The following ABCA10 variants were observed in gnomAD, a reference collection of about 807,000 sequenced individuals.
ABCA10 encodes ATP-binding cassette sub-family A member 10.
Under a neutral mutation model 187.5 loss-of-function variants are expected in ABCA10, and 169 were observed. That is an observed-to-expected ratio of 0.90 (90% CI 0.80 to 1.02). The LOEUF (loss-of-function observed/expected upper bound fraction) is 1.02, where lower values mean the gene tolerates loss of function less well. ABCA10 is among the 50% of genes least tolerant of loss of function. The probability of loss-of-function intolerance (pLI) is 0.00; values close to 1 mark genes in which losing one functional copy is unlikely to be tolerated. For missense variants in ABCA10, 1,727 were observed against 1,812.4 expected (o/e 0.95, Z 0.86); for synonymous variants, 574 against 601.8 (o/e 0.95, Z 0.68).
intron 9 of ABCA10, among the ~76,000 whole-genome samples, chr17:69,211,356 T>TAC (rs2074656772): frequency 3.8e-5 from 1 of 26,118 alleles, no homozygotes; most frequent in African/African-American, 1.4e-4. Flanking sequence ...TATATATATA[T>TAC]ATATACACAC....
At chr17:69,164,930 C>A in intron 26 of ABCA10, 34 bp downstream of exon 26, 4 of 1,604,002 alleles carry the variant, frequency 2.5e-6, no homozygotes, top group South Asian at 2.2e-5. Flanking sequence ...GCTACAAGGT[C>A]AAGACTGGAG....
chr17:69,158,520 G>A (rs1885710712), intron 27 of ABCA10, among the ~76,000 whole-genome samples: 1 of 151,168 alleles, frequency 6.6e-6, no homozygotes, highest in Non-Finnish European at 1.5e-5. Flanking sequence ...TACACAAAAG[G>A]GAAATAAAGT....
At position 69,187,795 on chromosome 17, in the gene ABCA10, A is replaced by G. The variant is rs1161461364; in HGVS notation, c.2216T>C (p.Leu739Pro). The G allele has an allele frequency of 1.4e-5, 22 of 1,613,812 alleles. No individual in the cohort carries two copies. The highest frequency in any genetic ancestry group is 1.9e-5 in the Non-Finnish European group (22 of 1,179,808). Residue 739 changes from leucine (L) to proline (P), a missense_variant, in exon 19 of 39, where the codon CTT (leucine) becomes CCT (proline). Leu to Pro is a moderately conservative substitution (Grantham distance 98, BLOSUM62 -3). Transcript: ENST00000690296. Reference protein sequence around the residue: ...ESEMEQVLCSLPETRKAVSSA... With the variant: ...ESEMEQVLCSPPETRKAVSSA... ...ACTGACAGCCTTTCTTGTTTCAGGA[A>G]GAGAACAAAGAACCTGTTCCATTTC...
At chr17:69,186,314 CCTT>C (rs1449414691) in intron 19 of ABCA10, among the ~76,000 whole-genome samples, 1 of 152,140 alleles carries the variant, frequency 6.6e-6, no homozygotes, top group Non-Finnish European at 1.5e-5. Context: ...GACAGAAACT[CCTT>C]CATCTTATCG....
chr17:69,182,942 T>C (rs113885784), intron 20 of ABCA10, 134 bp from the exon 21 acceptor site: 3 of 1,123,940 alleles, frequency 2.7e-6, no homozygotes, highest in Non-Finnish European at 3.7e-6. Context: ...CCTTGCTCTT[T>C]AGGAGTACAA....
intron 30 of ABCA10, 97 bp from the exon 31 acceptor site, chr17:69,154,423 T>A: frequency 2.1e-6 from 1 of 475,574 alleles, no homozygotes; most frequent in Non-Finnish European, 3.3e-6. Context: ...AAAATGACTT[T>A]TTTTTTTTTT....
In ABCA10 at chr17:69,164,945, A is replaced by C. The variant is rs759535419; in HGVS notation, c.3282+19T>G. 6.2e-7 allele frequency: 1 copy of C among 1,611,116 alleles called. No individual in the cohort carries two copies. On this transcript the variant is annotated intron_variant, in intron 26 of 38. Coordinates refer to ENST00000690296, the MANE Select transcript of ABCA10 (RefSeq NM_001377321.1). ...GCTACAAGGTCAAGACTGGAGACAC[A>C]GTAGGTAACACTGCTTACCTGGATC...
At chr17:69,151,582 A>G (rs1435491914) in intron 36 of ABCA10, among the ~76,000 whole-genome samples, 1 of 152,240 alleles carries the variant, frequency 6.6e-6, no homozygotes, top group Non-Finnish European at 1.5e-5. Flanking sequence ...CAACTTTAAA[A>G]GAAACATTGG....
intron 36 of ABCA10, 46 bp from the exon 37 acceptor site, chr17:69,150,109 A>C: frequency 1.4e-6 from 2 of 1,417,852 alleles, no homozygotes; most frequent in Non-Finnish European, 2.0e-6. Context: ...TCAGTGTGAT[A>C]ATACGGGGGA....
At chr17:69,195,554 C>CTTTTTTTTTTTTTTTTTTT (rs59069489) in intron 11 of ABCA10, among the ~76,000 whole-genome samples, 33 of 102,944 alleles carry the variant, frequency 3.2e-4, no homozygotes, top group Non-Finnish European at 3.6e-4. Context: ...TGAAGTTTTT[C>CTTTTTTTTTTTTTTTTTTT]TTTTTTTTTT....
In ABCA10 at chr17:69,196,331, CAG is replaced by C. The variant is rs534602912; in HGVS notation, c.1234+731_1234+732del. 276 of 170,198 alleles carry C rather than the reference CAG, an allele frequency of 1.6e-3. 2 individuals carry two copies. Among genetic ancestry groups the C allele is most frequent in the African/African-American group, 6.5e-3 (261 of 40,222 alleles). The allele number at this position is 170,198 out of a possible 1,614,324, so 10.5% of individuals were successfully genotyped here. On this transcript the variant is annotated intron_variant, in intron 11 of 38. Coordinates refer to ENST00000690296, the MANE Select transcript of ABCA10 (RefSeq NM_001377321.1). ...GCAGAGACGCTCCTCATCTCCCAGA[CAG>C]GGTGGCGGTCGGGCAGAGACACTCC... is the stretch of plus-strand genomic sequence containing the variant.
chr17:69,173,034 C>T (rs554443150), intron 25 of ABCA10, among the ~76,000 whole-genome samples: 1 of 152,044 alleles, frequency 6.6e-6, no homozygotes, highest in Non-Finnish European at 1.5e-5. Flanking sequence ...TCATTCCAGA[C>T]TTCAATGCAC....
upstream of ABCA10, among the ~76,000 whole-genome samples, chr17:69,230,783 C>A (rs771339069): frequency 5.3e-5 from 8 of 152,138 alleles, no homozygotes; most frequent in Admixed American, 2.6e-4. Flanking sequence ...AAACTCAACA[C>A]CACTGCAGAA....
At chr17:69,232,609 G>C (rs2074839423), upstream of ABCA10, among the ~76,000 whole-genome samples, 1 of 151,908 alleles carries the variant, frequency 6.6e-6, no homozygotes, top group African/African-American at 2.4e-5. Context: ...ATTTTTAATA[G>C]TTTTGACTTT....
intron 1 of ABCA10, among the ~76,000 whole-genome samples, chr17:69,239,701 C>T (rs2074892954): frequency 6.6e-6 from 1 of 152,078 alleles, no homozygotes; most frequent in African/African-American, 2.4e-5. Context: ...TGCCACCCGG[C>T]CTCTATTAGT....
chr17:69,161,132 C>T (rs1242490590), intron 27 of ABCA10, among the ~76,000 whole-genome samples: 1 of 151,908 alleles, frequency 6.6e-6, no homozygotes, highest in Non-Finnish European at 1.5e-5. Flanking sequence ...GAACATTATA[C>T]AGAGTGAAAT....
At position 69,201,506 on chromosome 17, in the gene ABCA10, GCTT is replaced by G; in HGVS notation, c.1166_1168del (p.Glu389del). 1 of 1,580,242 alleles carries G rather than the reference GCTT, an allele frequency of 6.3e-7. No homozygotes were observed. The highest frequency in any genetic ancestry group is 8.6e-7 in the Non-Finnish European group (1 of 1,168,006). On this transcript the variant is annotated inframe_deletion, in exon 10 of 39. Transcript: ENST00000690296. Reference sequence around the variant, plus strand: ...CATGTAATTTCTTAGTTACCTTATGGCTTCTTTTCCATGGAATTCTGGAGACAC... The same window carrying G: ...CATGTAATTTCTTAGTTACCTTATGGCTTTTCCATGGAATTCTGGAGACAC...
rs2074479264 is a variant in ABCA10 at position 69,193,794 on chromosome 17, A to G, written c.1521+20T>C. The G allele has an allele frequency of 6.2e-7, 1 of 1,606,812 alleles. No homozygotes were observed. The highest frequency in any genetic ancestry group is 1.3e-5 in the African/African-American group (1 of 74,412). ...AAGTAAATTATTTCCAAAGCCATCA[A>G]TCTTAATGTGTTCCTGTACCTCTTG... is the stretch of plus-strand genomic sequence containing the variant. On this transcript the variant is annotated intron_variant, in intron 13 of 38. Coordinates refer to ENST00000690296, the MANE Select transcript of ABCA10 (RefSeq NM_001377321.1).
chr17:69,176,023 A>T (rs1308642507), intron 22 of ABCA10, among the ~76,000 whole-genome samples: 1 of 152,166 alleles, frequency 6.6e-6, no homozygotes, highest in African/African-American at 2.4e-5. Flanking sequence ...TTAATATTTT[A>T]GAACTACAGT....
Sources: gnomAD v4.1 joint callset for allele counts (sites outside exome capture counted in the v4.1 genomes callset) on GRCh38, gnomAD v4.1.1 for gene constraint, MANE v1.5 for transcripts, NCBI Gene and HGNC (gene_info 2026-07-23, HGNC 2026-07-21) for gene names.